The following THSD7B variants were observed in gnomAD, a reference collection of about 807,000 sequenced individuals.
THSD7B encodes the protein thrombospondin type-1 domain-containing protein 7B.
Under a neutral mutation model 213.6 loss-of-function variants are expected in THSD7B, and 138 were observed. That is an observed-to-expected ratio of 0.65 (90% confidence interval 0.56 to 0.74). The LOEUF (loss-of-function observed/expected upper bound fraction) is 0.74. Ranked by LOEUF, THSD7B falls within the 30% of genes least tolerant of loss-of-function variation. The pLI, the probability that THSD7B is intolerant of heterozygous loss-of-function variation, is 0.00. For synonymous variants in THSD7B, 742 were observed against 687.0 expected, an observed-to-expected ratio of 1.08 and a Z score of -1.25; for missense variants, 1,931 against 1,991.5, an observed-to-expected ratio of 0.97 and a Z score of 0.58.
At chr2:137,279,955 C>T (rs1682968044) in intron 12 of THSD7B, among the ~76,000 whole-genome samples, 1 of 152,120 alleles carries the variant, frequency 6.6e-6, no homozygotes, top group Non-Finnish European at 1.5e-5. Context: ...TGAACTCAGA[C>T]CATAAAGTCA....
chr2:137,545,238 C>A (rs1041681204), intron 15 of THSD7B, among the ~76,000 whole-genome samples: 1 of 151,814 alleles, frequency 6.6e-6, no homozygotes, highest in Non-Finnish European at 1.5e-5. Context: ...ACAGTGAATT[C>A]TCTTAAAGTT....
intron 2 of THSD7B, among the ~76,000 whole-genome samples, chr2:136,906,121 T>C (rs1239544252): frequency 6.6e-6 from 1 of 152,188 alleles, no homozygotes; most frequent in Non-Finnish European, 1.5e-5. Context: ...CTTCCATTTC[T>C]TAATAGGGGC....
chr2:137,236,346 T>C (rs1054952251), intron 9 of THSD7B, among the ~76,000 whole-genome samples: 1 of 152,228 alleles, frequency 6.6e-6, no homozygotes. Context: ...GTTGGTGTTT[T>C]GGTTTCCATG....
intron 4 of THSD7B, among the ~76,000 whole-genome samples, chr2:137,105,387 G>T (rs760836919): frequency 6.6e-6 from 1 of 151,992 alleles, no homozygotes; most frequent in Non-Finnish European, 1.5e-5. Context: ...AATAAACTAG[G>T]TATTGATGGA....
At chr2:137,119,331 C>T (rs747494755) in intron 5 of THSD7B, among the ~76,000 whole-genome samples, 13 of 152,156 alleles carry the variant, frequency 8.5e-5, no homozygotes, top group Non-Finnish European at 8.8e-5. Context: ...GTACATCTGT[C>T]ATAAGGGTGT....
chr2:136,976,257 G>T (rs1685479769), intron 2 of THSD7B, among the ~76,000 whole-genome samples: 1 of 152,194 alleles, frequency 6.6e-6, no homozygotes, highest in Non-Finnish European at 1.5e-5. Context: ...AGTTTTCAAG[G>T]TGAATGCTTT....
intron 2 of THSD7B, among the ~76,000 whole-genome samples, chr2:136,987,564 A>G (rs1685692881): frequency 6.6e-6 from 1 of 152,100 alleles, no homozygotes; most frequent in African/African-American, 2.4e-5. Flanking sequence ...AGGAAGGGAG[A>G]GACAGAGAAG....
chr2:136,841,717 T>C (rs1209652648), intron 1 of THSD7B, among the ~76,000 whole-genome samples: 1 of 152,034 alleles, frequency 6.6e-6, no homozygotes, highest in Non-Finnish European at 1.5e-5. Flanking sequence ...TTTATTTTGC[T>C]GGGTGAACTT....
intron 17 of THSD7B, among the ~76,000 whole-genome samples, chr2:137,587,444 G>GT (rs949773092): frequency 1.3e-5 from 2 of 152,190 alleles, no homozygotes; most frequent in South Asian, 2.1e-4. Context: ...TTTCTGCTCT[G>GT]TTTTTTCCCC....
chr2:137,581,830 G>T (rs977115553), intron 17 of THSD7B, among the ~76,000 whole-genome samples: 1 of 151,100 alleles, frequency 6.6e-6, no homozygotes, highest in Non-Finnish European at 1.5e-5. Context: ...GGGCATGGTG[G>T]CTTATACCTG....
rs762918814 is a variant in THSD7B at position 137,255,236 on chromosome 2, C to T, written c.2266+12664C>T. ...GCTGCTTCTCAACCCCAGAATTAGACAGGCTTTCCTACCTGGCCACAGCCT... is the reference window on the plus strand; with the variant it reads ...GCTGCTTCTCAACCCCAGAATTAGATAGGCTTTCCTACCTGGCCACAGCCT... On this transcript the variant is annotated intron_variant, in intron 10 of 27. Coordinates refer to ENST00000409968, the MANE Select transcript of THSD7B (RefSeq NM_001316349.2). Among the ~76,000 whole-genome samples the T allele has an allele frequency of 1.9e-4, 29 of 152,170 alleles. 1 individual carries two copies. The highest frequency in any genetic ancestry group is 1.3e-4 in the Non-Finnish European group (9 of 68,032).
chr2:137,553,520 A>G (rs1274887946), intron 15 of THSD7B, among the ~76,000 whole-genome samples: 1 of 152,190 alleles, frequency 6.6e-6, no homozygotes, highest in Non-Finnish European at 1.5e-5. Flanking sequence ...TGAGTTTATG[A>G]TATGACTCCG....
chr2:136,780,861 A>G (rs1681728296), intron 1 of THSD7B, among the ~76,000 whole-genome samples: 1 of 152,204 alleles, frequency 6.6e-6, no homozygotes, highest in Non-Finnish European at 1.5e-5. Flanking sequence ...TCAAAGTTAC[A>G]GAGAGGTGTA....
intron 1 of THSD7B, among the ~76,000 whole-genome samples, chr2:136,828,094 G>T (rs1290642061): frequency 6.6e-6 from 1 of 151,902 alleles, no homozygotes; most frequent in Non-Finnish European, 1.5e-5. Flanking sequence ...CTTAATTTTT[G>T]TTCTCCAGCC....
intron 17 of THSD7B, among the ~76,000 whole-genome samples, chr2:137,606,758 T>A (rs1392891214): frequency 1.3e-5 from 2 of 150,726 alleles, no homozygotes. Context: ...GGGCTTAGGA[T>A]AAAGAAAGAG....
intron 15 of THSD7B, among the ~76,000 whole-genome samples, chr2:137,483,716 T>A (rs541622596): frequency 6.6e-6 from 1 of 152,050 alleles, no homozygotes; most frequent in African/African-American, 2.4e-5. Flanking sequence ...TTCTAACAAG[T>A]AGAAAATGGG....
chr2:137,326,440 A>G (rs1368032526), intron 12 of THSD7B, among the ~76,000 whole-genome samples: 3 of 152,162 alleles, frequency 2.0e-5, no homozygotes, highest in Non-Finnish European at 4.4e-5. Flanking sequence ...CAAAGTACAA[A>G]CATGCAAGAA....
At chr2:137,245,077 T>A (rs2105067758) in intron 10 of THSD7B, among the ~76,000 whole-genome samples, 1 of 152,242 alleles carries the variant, frequency 6.6e-6, no homozygotes, top group Admixed American at 6.5e-5. Flanking sequence ...CTCGTCTCCC[T>A]CATTCTGATG....
intron 1 of THSD7B, among the ~76,000 whole-genome samples, chr2:136,869,337 T>G (rs944948580): frequency 2.6e-5 from 4 of 152,224 alleles, no homozygotes; most frequent in Admixed American, 6.5e-5. Flanking sequence ...ACCTTTTCCC[T>G]GTGCAAAACT....
Sources: gnomAD v4.1 joint callset for allele counts (sites outside exome capture counted in the v4.1 genomes callset) on GRCh38, gnomAD v4.1.1 for gene constraint, MANE v1.5 for transcripts, NCBI Gene and HGNC (gene_info 2026-07-23, HGNC 2026-07-21) for gene names.